Variants in TRAF3IP2 observed in about 807,000 individuals in gnomAD.
The protein encoded by TRAF3IP2 is TRAF3 interacting protein 2.
A neutral mutation model predicts 57.9 loss-of-function variants in TRAF3IP2; 35 were observed. The observed-to-expected ratio is 0.60, with a 90% CI of 0.46 to 0.80. The LOEUF (loss-of-function observed/expected upper bound fraction) is 0.80, where lower values mean the gene tolerates loss of function less well. Ranked by LOEUF, TRAF3IP2 falls within the 30% of genes least tolerant of loss-of-function variation. The pLI is 0.00. For missense variants in TRAF3IP2, 556 were observed against 706.4 expected (o/e 0.79, Z 2.41); for synonymous variants, 251 against 268.9 (o/e 0.93, Z 0.65).
intron 1 of TRAF3IP2, among the ~76,000 whole-genome samples, chr6:111,604,052 G>A (rs570753423): frequency 6.6e-6 from 1 of 152,282 alleles, no homozygotes; most frequent in African/African-American, 2.4e-5. Flanking sequence ...GAAATATCTT[G>A]AAATTCCTGT....
intron 7 of TRAF3IP2, among the ~76,000 whole-genome samples, chr6:111,564,164 GCACA>G (rs10671013): frequency 1.2e-4 from 18 of 150,220 alleles, no homozygotes; most frequent in African/African-American, 4.4e-4. Flanking sequence ...AGTTGCATAC[GCACA>G]CACACACACA....
chr6:111,587,256 G>A (rs1450801530), intron 2 of TRAF3IP2: 1 of 151,996 alleles, frequency 6.6e-6, no homozygotes, highest in Admixed American at 6.6e-5. Flanking sequence ...TTTTCTATGT[G>A]TTTTTGTTTT....
intron 2 of TRAF3IP2, among the ~76,000 whole-genome samples, chr6:111,584,056 G>A (rs1478086117): frequency 1.3e-5 from 2 of 152,144 alleles, no homozygotes; most frequent in African/African-American, 4.8e-5. Context: ...GGCTAATATT[G>A]TTTTATTTGC....
chr6:111,577,954 C>G (rs910433848), intron 3 of TRAF3IP2, among the ~76,000 whole-genome samples: 1 of 152,014 alleles, frequency 6.6e-6, no homozygotes, highest in Non-Finnish European at 1.5e-5. Flanking sequence ...CTCAAACAAT[C>G]CACCCACCTC....
At chr6:111,577,172 G>C (rs1157027860) in intron 3 of TRAF3IP2, 1 of 146,742 alleles carries the variant, frequency 6.8e-6, no homozygotes, top group Non-Finnish European at 1.5e-5. Flanking sequence ...ATTTCTCCAA[G>C]AAAAACTCAT....
At chr6:111,569,353 A>C (rs903616848) in intron 5 of TRAF3IP2, among the ~76,000 whole-genome samples, 21 of 152,238 alleles carry the variant, frequency 1.4e-4, no homozygotes, top group Admixed American at 6.5e-5. Flanking sequence ...TTCACTTGTA[A>C]TATGTAGTTA....
At chr6:111,595,372 G>A (rs1796649624) in intron 1 of TRAF3IP2, among the ~76,000 whole-genome samples, 1 of 152,226 alleles carries the variant, frequency 6.6e-6, no homozygotes, top group Admixed American at 6.5e-5. Context: ...GGACCCTGGT[G>A]TTTCAAACAT....
At chr6:111,600,415 T>C (rs1156485033) in intron 1 of TRAF3IP2, 1 of 152,230 alleles carries the variant, frequency 6.6e-6, no homozygotes, top group Non-Finnish European at 1.5e-5. Context: ...CACTTTGCCA[T>C]TCCTGTTTTA....
At chr6:111,580,823 C>A (rs1296097850) in intron 2 of TRAF3IP2, among the ~76,000 whole-genome samples, 1 of 152,234 alleles carries the variant, frequency 6.6e-6, no homozygotes, top group Admixed American at 6.5e-5. Flanking sequence ...ATTTTCCTCC[C>A]CCAAGTGGAC....
intron 1 of TRAF3IP2, chr6:111,601,214 T>C: frequency 1.3e-6 from 1 of 779,340 alleles, no homozygotes. Flanking sequence ...TGAGGAGGCA[T>C]GGAAGCAGGC....
intron 1 of TRAF3IP2, among the ~76,000 whole-genome samples, chr6:111,603,548 T>C (rs1796938069): frequency 6.6e-6 from 1 of 152,264 alleles, no homozygotes; most frequent in African/African-American, 2.4e-5. Context: ...AGGATATTCC[T>C]GAGATTTCCA....
At chr6:111,597,779 G>A (rs775656391) in intron 1 of TRAF3IP2, 1 of 453,338 alleles carries the variant, frequency 2.2e-6, no homozygotes, top group Non-Finnish European at 4.4e-6. Context: ...GTGCATGTGA[G>A]CCTGGTTCTT....
intron 2 of TRAF3IP2, among the ~76,000 whole-genome samples, chr6:111,589,043 C>G (rs1367846767): frequency 6.7e-6 from 1 of 148,620 alleles, no homozygotes; most frequent in Non-Finnish European, 1.5e-5. Context: ...TGGGAGTGAC[C>G]AAATATTATA....
intron 1 of TRAF3IP2, among the ~76,000 whole-genome samples, chr6:111,596,418 A>C (rs1423128338): frequency 6.6e-6 from 1 of 151,974 alleles, no homozygotes; most frequent in Non-Finnish European, 1.5e-5. Context: ...TCAGTCTCCC[A>C]AGTAGCTAGG....
At chr6:111,581,775 C>T (rs2128378454) in intron 2 of TRAF3IP2, among the ~76,000 whole-genome samples, 1 of 152,196 alleles carries the variant, frequency 6.6e-6, no homozygotes, top group African/African-American at 2.4e-5. Flanking sequence ...TTCAGGAGTT[C>T]GAGACCAGCC....
chr6:111,592,601 T>C lies in TRAF3IP2; in HGVS notation c.-8-507A>G, dbSNP rs545296620. 2.0e-5 allele frequency among the ~76,000 whole-genome samples: 3 copies of C among 152,350 alleles called. No homozygotes were observed. The South Asian group carries it at 6.2e-4, about 32-fold the overall frequency. On this transcript the variant is annotated intron_variant, in intron 1 of 8. Transcript: ENST00000368761. ...TTCTGTGTGCATATCTGCTTGTATATGTATAAACCGTGTGGAGGATATACA... is the reference window on the plus strand; with the variant it reads ...TTCTGTGTGCATATCTGCTTGTATACGTATAAACCGTGTGGAGGATATACA...
chr6:111,581,795 T>C (rs1440407665), intron 2 of TRAF3IP2, among the ~76,000 whole-genome samples: 1 of 152,072 alleles, frequency 6.6e-6, no homozygotes, highest in Non-Finnish European at 1.5e-5. Context: ...CTGGCCAACA[T>C]GGTAAAACCC....
chr6:111,589,556 GCAGGGGTGGCATC>G (rs1437383540), intron 2 of TRAF3IP2, among the ~76,000 whole-genome samples: 4 of 152,152 alleles, frequency 2.6e-5, no homozygotes, highest in African/African-American at 9.7e-5. Flanking sequence ...GGCGCTTAGA[GCAGGGGTGGCATC>G]CATGCACTCC....
intron 1 of TRAF3IP2, among the ~76,000 whole-genome samples, chr6:111,594,335 T>G (rs1157099512): frequency 6.6e-6 from 1 of 152,100 alleles, no homozygotes; most frequent in Admixed American, 6.5e-5. Flanking sequence ...ATGCAAAAAG[T>G]GAGCTGAGTG....
Sources: gnomAD v4.1 joint callset for allele counts (sites outside exome capture counted in the v4.1 genomes callset) on GRCh38, gnomAD v4.1.1 for gene constraint, MANE v1.5 for transcripts, NCBI Gene and HGNC (gene_info 2026-07-23, HGNC 2026-07-21) for gene names.